The following SMG6 variants were observed in gnomAD, a reference collection of about 807,000 sequenced individuals.
The protein encoded by SMG6 is SMG6 nonsense mediated mRNA decay factor.
A neutral mutation model predicts 142.2 loss-of-function variants in SMG6; 66 were observed. That is an observed-to-expected ratio of 0.46 (90% CI 0.38 to 0.57). SMG6 has a LOEUF of 0.57. Among genes scored for constraint, SMG6 ranks in the 20% least tolerant of loss-of-function variants. The pLI is 0.00. For synonymous variants in SMG6, 779 were observed against 702.4 expected, an observed-to-expected ratio of 1.11 and a Z score of -1.72; for missense variants, 1,793 against 1,832.0, an observed-to-expected ratio of 0.98 and a Z score of 0.39.
At chr17:2,197,489 C>CT (rs1350854099) in intron 10 of SMG6, among the ~76,000 whole-genome samples, 7 of 152,046 alleles carry the variant, frequency 4.6e-5, no homozygotes, top group Admixed American at 4.6e-4. Flanking sequence ...TCACTTGAGC[C>CT]TGGGAGGTCA....
chr17:2,255,398 C>A (rs1597720552), intron 8 of SMG6, among the ~76,000 whole-genome samples: 1 of 63,220 alleles, frequency 1.6e-5, no homozygotes, highest in Non-Finnish European at 3.2e-5. Flanking sequence ...AGCGAGACTC[C>A]GTCTCAAAAA....
At chr17:2,188,362 T>C (rs1430408782) in intron 11 of SMG6, 37 bp downstream of exon 11, 2 of 1,584,744 alleles carry the variant, frequency 1.3e-6, no homozygotes, top group South Asian at 1.1e-5. Flanking sequence ...GCCAGGCAAC[T>C]GGAAAGCCCA....
At chr17:2,072,692 G>C (rs1011350806) in intron 15 of SMG6, 1 of 152,218 alleles carries the variant, frequency 6.6e-6, no homozygotes, top group African/African-American at 2.4e-5. Flanking sequence ...GGAGAACCTG[G>C]ATCATGAAGC....
At chr17:2,303,456 C>A (rs1597251469) in intron 1 of SMG6, 177 bp downstream of exon 1, 3 of 1,314,088 alleles carry the variant, frequency 2.3e-6, no homozygotes, top group Admixed American at 4.2e-5. Flanking sequence ...CGAGCCCGAC[C>A]CCGCACTAAC....
intron 15 of SMG6, chr17:2,073,069 GTTTT>G (rs902593835): frequency 2.6e-5 from 4 of 151,822 alleles, no homozygotes; most frequent in Non-Finnish European, 5.9e-5. Context: ...CTACTGATGT[GTTTT>G]TTTTGTTTTG....
intron 8 of SMG6, among the ~76,000 whole-genome samples, chr17:2,271,215 C>T (rs192061658): frequency 7.7e-4 from 117 of 151,218 alleles, no homozygotes; most frequent in African/African-American, 2.1e-3. Context: ...CCCAGCATCC[C>T]GAGTAGCTGG....
intron 13 of SMG6, among the ~76,000 whole-genome samples, chr17:2,131,777 C>T (rs2641442): frequency 0.35 from 52,770 of 152,032 alleles, 9,915 homozygotes; most frequent in African/African-American, 0.49. Flanking sequence ...TAAAAACCAA[C>T]CAGCTGGGCA....
intron 9 of SMG6, among the ~76,000 whole-genome samples, chr17:2,240,754 T>C (rs2073780195): frequency 6.6e-6 from 1 of 152,266 alleles, no homozygotes; most frequent in African/African-American, 2.4e-5. Context: ...TGACGCAGTG[T>C]GGAGCACCAG....
At chr17:2,206,413 AAAAT>A (rs759621983) in intron 10 of SMG6, among the ~76,000 whole-genome samples, 82 of 151,850 alleles carry the variant, frequency 5.4e-4, no homozygotes, top group Non-Finnish European at 9.0e-4. Context: ...CTCTACAAAA[AAAAT>A]AAATAAATAA....
chr17:2,087,102 G>C, intron 13 of SMG6: 1 of 1,290,492 alleles, frequency 7.7e-7, no homozygotes. Flanking sequence ...TCATTTTACA[G>C]GTGCAGGTGT....
chr17:2,146,679 C>T (rs1411684728), intron 13 of SMG6, among the ~76,000 whole-genome samples: 1 of 152,184 alleles, frequency 6.6e-6, no homozygotes, highest in Non-Finnish European at 1.5e-5. Context: ...GATCTGCCCA[C>T]TTCAGCCTCC....
intron 13 of SMG6, among the ~76,000 whole-genome samples, chr17:2,140,132 G>A (rs780091898): frequency 3.3e-5 from 5 of 151,684 alleles, no homozygotes; most frequent in Non-Finnish European, 5.9e-5. Context: ...GTGAGACCTC[G>A]GCTCACTGCA....
At position 2,292,575 on chromosome 17, in the gene SMG6, A is replaced by C; in HGVS notation, c.2314T>G (p.Leu772Val). Residue 772 changes from leucine (L) to valine (V), a missense_variant, in exon 6 of 19, where the codon TTG becomes GTG. Leu to Val is a conservative substitution (Grantham distance 32). Transcript: ENST00000263073. Reference sequence around the variant, plus strand: ...ACCGTATACACTGCCAGCAAAGCCAACTGGTTATAGGGGCGCCCATTCTTG... The same window carrying C: ...ACCGTATACACTGCCAGCAAAGCCACCTGGTTATAGGGGCGCCCATTCTTG... ...APKNGRPYNQ[L>V]ALLAVYTRRK... The C allele has an allele frequency of 6.2e-7, 1 of 1,614,238 alleles. No individual in the cohort carries two copies.
At chr17:2,069,019 T>A (rs1225207658) in intron 15 of SMG6, 88 bp from the exon 16 acceptor site, 11 of 1,360,490 alleles carry the variant, frequency 8.1e-6, no homozygotes, top group Non-Finnish European at 9.2e-6. Flanking sequence ...TGTGTCAGCA[T>A]CCTGCCCCTA....
At chr17:2,200,590 T>A (rs979601593) in intron 10 of SMG6, among the ~76,000 whole-genome samples, 1 of 151,874 alleles carries the variant, frequency 6.6e-6, no homozygotes, top group Non-Finnish European at 1.5e-5. Flanking sequence ...GGTCTCAAAC[T>A]CCTGGCCTCA....
chr17:2,093,890 C>T (rs1214529099), intron 13 of SMG6, among the ~76,000 whole-genome samples: 1 of 152,088 alleles, frequency 6.6e-6, no homozygotes, highest in Admixed American at 6.6e-5. Flanking sequence ...ACTGGGATTA[C>T]AGGCACGAGC....
intron 13 of SMG6, among the ~76,000 whole-genome samples, chr17:2,146,291 A>G (rs2070665778): frequency 6.6e-6 from 1 of 152,158 alleles, no homozygotes; most frequent in Non-Finnish European, 1.5e-5. Context: ...ACATCCCTAA[A>G]CAATGCTGAG....
At chr17:2,153,555 G>A (rs1397706571) in intron 13 of SMG6, among the ~76,000 whole-genome samples, 3 of 152,254 alleles carry the variant, frequency 2.0e-5, no homozygotes, top group African/African-American at 7.2e-5. Context: ...TAAACTGGTG[G>A]AACGCCACTC....
intron 13 of SMG6, among the ~76,000 whole-genome samples, chr17:2,092,870 C>T (rs1328308367): frequency 6.6e-6 from 1 of 152,180 alleles, no homozygotes; most frequent in Non-Finnish European, 1.5e-5. Context: ...CCTCTCTGAG[C>T]CTTTGTTTGC....
Sources: allele counts gnomAD v4.1 joint callset (sites outside exome capture counted in the v4.1 genomes callset), GRCh38; gene constraint gnomAD v4.1.1; transcripts MANE v1.5; gene names NCBI Gene and HGNC (gene_info 2026-07-23, HGNC 2026-07-21).